KLHL8: variants seen among roughly 807,000 people sequenced by gnomAD.
The protein encoded by KLHL8 is kelch like family member 8, also known as kelch-like protein 8.
KLHL8 carries 38 observed loss-of-function variants against 63.5 expected under a neutral mutation model. The ratio of observed to expected loss-of-function variants is 0.60; its 90% CI spans 0.46 to 0.78. The LOEUF is 0.78. KLHL8 is among the 30% of genes least tolerant of loss of function. KLHL8 has a pLI of 0.00. For synonymous variants in KLHL8, 224 were observed against 254.3 expected (o/e 0.88, Z 1.13); for missense variants, 566 against 752.4 (o/e 0.75, Z 2.90).
chr4:87,165,133 G>C (rs1392504858), intron 8 of KLHL8, among the ~76,000 whole-genome samples: 10 of 114,000 alleles, frequency 8.8e-5, no homozygotes, highest in South Asian at 3.0e-4. Context: ...CTGGGCGACA[G>C]AGCAAGACTC....
In KLHL8 at chr4:87,164,018, C is replaced by G. The variant is rs751935076; in HGVS notation, c.1599G>C (p.Lys533Asn). 6 of 1,614,092 alleles carry G rather than the reference C, an allele frequency of 3.7e-6. No individual in the cohort carries two copies. The highest frequency in any genetic ancestry group is 5.1e-6 in the Non-Finnish European group (6 of 1,180,034). The stretch of plus-strand genomic sequence containing the variant: ...TAGTAAGTGCTGCCACATAATCCCA[C>G]TTGTTGCTTCGGGGGTCATACCGCT... Reference protein sequence around the residue: ...SVERYDPRSNKWDYVAALTTP... With the variant: ...SVERYDPRSNNWDYVAALTTP... Residue 533 changes from lysine to asparagine, a missense_variant, in exon 9 of 10, where the codon AAG becomes AAC. Lys to Asn is a moderately conservative substitution (Grantham distance 94). Transcript: ENST00000273963.
intron 5 of KLHL8, 148 bp from the exon 6 acceptor site, chr4:87,177,016 T>C (rs1730847947): frequency 2.0e-6 from 1 of 502,160 alleles, no homozygotes; most frequent in Non-Finnish European, 3.4e-6. Context: ...ATCAATGTCA[T>C]TTCAGTAGTT....
intron 6 of KLHL8, among the ~76,000 whole-genome samples, chr4:87,176,052 T>C (rs1316434405): frequency 1.3e-5 from 2 of 152,194 alleles, no homozygotes; most frequent in African/African-American, 2.4e-5. Flanking sequence ...GTAAGAAGCA[T>C]AAGGATGTTT....
chr4:87,184,011 G>C (rs1456479639), intron 3 of KLHL8, among the ~76,000 whole-genome samples: 1 of 152,132 alleles, frequency 6.6e-6, no homozygotes, highest in Non-Finnish European at 1.5e-5. Flanking sequence ...GATGAAACCA[G>C]GTAATGCTAT....
intron 2 of KLHL8, among the ~76,000 whole-genome samples, chr4:87,187,147 G>C (rs1238731154): frequency 1.3e-5 from 2 of 152,098 alleles, no homozygotes; most frequent in Non-Finnish European, 2.9e-5. Flanking sequence ...CTGCTTCAAA[G>C]GATACAATGT....
intron 1 of KLHL8, among the ~76,000 whole-genome samples, chr4:87,235,829 A>G (rs1733216335): frequency 6.6e-6 from 1 of 151,772 alleles, no homozygotes. Flanking sequence ...TGGCACCAGA[A>G]GGATTAGGCC....
intron 2 of KLHL8, among the ~76,000 whole-genome samples, chr4:87,191,624 G>C (rs374168899): frequency 8.8e-4 from 134 of 151,450 alleles, no homozygotes; most frequent in African/African-American, 3.1e-3. Flanking sequence ...TTAGAATTAG[G>C]GGTGCATGTG....
chr4:87,177,411 G>A (rs1374304759), intron 5 of KLHL8, among the ~76,000 whole-genome samples: 1 of 152,044 alleles, frequency 6.6e-6, no homozygotes, highest in East Asian at 1.9e-4. Flanking sequence ...GGAGGCCGAG[G>A]CAGAATTGCC....
intron 6 of KLHL8, among the ~76,000 whole-genome samples, chr4:87,171,726 C>G (rs974162480): frequency 4.6e-5 from 7 of 152,276 alleles, no homozygotes; most frequent in African/African-American, 1.7e-4. Flanking sequence ...GTTTTCATAA[C>G]ATCATACGTT....
intron 1 of KLHL8, among the ~76,000 whole-genome samples, chr4:87,201,613 A>G (rs990066107): frequency 2.6e-5 from 4 of 152,198 alleles, no homozygotes; most frequent in Non-Finnish European, 4.4e-5. Context: ...GACCTATATA[A>G]GCCATATCCT....
At chr4:87,207,556 G>A in intron 1 of KLHL8, 1 of 1,120,446 alleles carries the variant, frequency 8.9e-7, no homozygotes, top group Non-Finnish European at 1.3e-6. Context: ...CAACTGCTTA[G>A]CGCCCCTGGC....
exon 1 of KLHL8, chr4:87,240,275 G>A (rs2110076302): frequency 6.6e-6 from 1 of 152,330 alleles, no homozygotes; most frequent in South Asian, 2.1e-4. Flanking sequence ...TTAGGTTGTA[G>A]AGGCATTTAC....
At chr4:87,197,949 A>G (rs1221290034) in intron 1 of KLHL8, among the ~76,000 whole-genome samples, 1 of 116,388 alleles carries the variant, frequency 8.6e-6, no homozygotes, top group African/African-American at 3.5e-5. Context: ...GTCACAGACA[A>G]TAGTAAATAA....
At chr4:87,207,473 T>C in intron 1 of KLHL8, 2 of 754,938 alleles carry the variant, frequency 2.6e-6, no homozygotes, top group South Asian at 1.4e-5. Flanking sequence ...GACGCCCCCA[T>C]GTTAGTGATG....
chr4:87,198,419 T>C (rs1175644749), intron 1 of KLHL8, among the ~76,000 whole-genome samples: 1 of 152,184 alleles, frequency 6.6e-6, no homozygotes, highest in East Asian at 1.9e-4. Context: ...AACTCAACAA[T>C]ATCAATAATC....
intron 8 of KLHL8, among the ~76,000 whole-genome samples, chr4:87,166,407 T>G (rs1047594044): frequency 1.3e-5 from 2 of 152,222 alleles, no homozygotes; most frequent in Non-Finnish European, 2.9e-5. Flanking sequence ...AGTGACAACC[T>G]CTCTGAATTC....
At position 87,181,225 on chromosome 4, in the gene KLHL8, G is replaced by A. The variant is rs893135170; in HGVS notation, c.952+1978C>T. On this transcript the variant is annotated intron_variant, in intron 4 of 9. Transcript: ENST00000273963. Reference sequence around the variant, plus strand: ...GTGGATTACTTGAGGTCAGGAGTTCGAGACCAGCCTAGCCAACATGGTGAA... The same window carrying A: ...GTGGATTACTTGAGGTCAGGAGTTCAAGACCAGCCTAGCCAACATGGTGAA... 5.3e-4 allele frequency among the ~76,000 whole-genome samples: 79 copies of A among 150,452 alleles called. 2 individuals are homozygous for A. The highest frequency in any genetic ancestry group is 4.2e-3 in the Admixed American group (64 of 15,076).
At chr4:87,179,435 T>G (rs1730963717) in intron 4 of KLHL8, among the ~76,000 whole-genome samples, 1 of 152,190 alleles carries the variant, frequency 6.6e-6, no homozygotes, top group African/African-American at 2.4e-5. Flanking sequence ...CCTACACCAG[T>G]ACTTCTCAAA....
intron 1 of KLHL8, among the ~76,000 whole-genome samples, chr4:87,225,672 G>A (rs1466706257): frequency 2.0e-5 from 3 of 152,122 alleles, no homozygotes; most frequent in Admixed American, 2.0e-4. Flanking sequence ...ATCTTTACAG[G>A]CACACAGTTA....
Sources: gnomAD v4.1 joint callset for allele counts (sites outside exome capture counted in the v4.1 genomes callset) on GRCh38, gnomAD v4.1.1 for gene constraint, MANE v1.5 for transcripts, NCBI Gene and HGNC (gene_info 2026-07-23, HGNC 2026-07-21) for gene names.